Variants in NCKAP1 observed in about 807,000 individuals in gnomAD.
NCKAP1 encodes nck-associated protein 1.
Under a neutral mutation model 151.2 loss-of-function variants are expected in NCKAP1, and 21 were observed. The observed-to-expected ratio is 0.14, with a 90% CI of 0.10 to 0.20. The LOEUF (loss-of-function observed/expected upper bound fraction) is 0.20, where lower values mean the gene tolerates loss of function less well. NCKAP1 is among the 10% of genes least tolerant of loss of function. The pLI is 1.00. For missense variants in NCKAP1, 933 were observed against 1,352.1 expected (o/e 0.69, Z 4.86); for synonymous variants, 484 against 451.8 (o/e 1.07, Z -0.90).
rs749382560 is a variant in NCKAP1, at chr2:183,023,934, T to TA, written c.109-19dup. 86 of 1,513,948 alleles carry TA rather than the reference T, an allele frequency of 5.7e-5. No individual in the cohort carries two copies. The highest frequency in any genetic ancestry group is 5.4e-4 in the African/African-American group (38 of 70,836). The allele number at this position is 1,513,948 out of a possible 1,614,324, so 93.8% of individuals were successfully genotyped here. A position where few individuals can be genotyped will look rare whatever the true frequency, so the allele number is the denominator to read the frequency against. On this transcript the variant is annotated intron_variant, in intron 1 of 30. Transcript: ENST00000361354. ...CCACATGCCTATAAAACAACAGTAA[T>TA]AAAAAAAAGTGAAATGCACCCTTCT...
chr2:182,980,701 A>G (rs1446727913), intron 13 of NCKAP1, among the ~76,000 whole-genome samples: 1 of 152,206 alleles, frequency 6.6e-6, no homozygotes, highest in Non-Finnish European at 1.5e-5. Flanking sequence ...ATCCTCTAAC[A>G]ATCTTCTTCA....
At chr2:183,026,324 A>C (rs1698896170) in intron 1 of NCKAP1, among the ~76,000 whole-genome samples, 1 of 152,044 alleles carries the variant, frequency 6.6e-6, no homozygotes, top group Non-Finnish European at 1.5e-5. Context: ...AGAGAAAAAA[A>C]AATTATAAGG....
intron 13 of NCKAP1, among the ~76,000 whole-genome samples, chr2:182,979,638 C>A (rs936746979): frequency 1.3e-5 from 2 of 151,994 alleles, no homozygotes; most frequent in African/African-American, 4.8e-5. Context: ...AATATTAACA[C>A]CTATTGCAAT....
intron 1 of NCKAP1, among the ~76,000 whole-genome samples, chr2:183,035,549 G>T (rs1699085834): frequency 6.6e-6 from 1 of 152,028 alleles, no homozygotes; most frequent in African/African-American, 2.4e-5. Flanking sequence ...ACTAGAAGAG[G>T]TTGAGATTGA....
intron 9 of NCKAP1, 34 bp from the exon 10 acceptor site, chr2:182,986,261 A>C (rs778830468): frequency 2.0e-6 from 3 of 1,529,434 alleles, no homozygotes; most frequent in Non-Finnish European, 2.7e-6. Flanking sequence ...CGTTAGTTTA[A>C]TTTGATCAAT....
intron 2 of NCKAP1, among the ~76,000 whole-genome samples, chr2:183,017,972 G>C (rs187216214): frequency 6.6e-6 from 1 of 152,132 alleles, no homozygotes; most frequent in African/African-American, 2.4e-5. Context: ...ATACCTGGCC[G>C]GGTGCGGTGG....
Position 182,981,326 on chromosome 2 carries a change from C to G in NCKAP1, c.1259G>C (p.Arg420Thr). Reference protein sequence around the residue: ...FYMEELRAHVRKYGPVMQRYY... With the variant: ...FYMEELRAHVTKYGPVMQRYY... ...CCTCTGCATTACAGGTCCGTATTTC[C>G]TCACATGTGCTCTAAGTTCTTCCAT... The change falls in exon 13 of 31, where the codon AGG becomes ACG. Residue 420 changes from arginine to threonine, a missense_variant. Arg to Thr is a moderately conservative substitution (Grantham distance 71). This residue lies in a region of NCKAP1 where 607 missense variants were observed against 795.0 expected (regional missense o/e 0.76). Transcript: ENST00000361354. The G allele has an allele frequency of 6.2e-7, 1 of 1,613,550 alleles. No homozygotes were observed. The highest frequency in any genetic ancestry group is 8.5e-7 in the Non-Finnish European group (1 of 1,179,528).
At chr2:182,956,780 T>A (rs772897105) in intron 19 of NCKAP1, 187 bp from the exon 20 acceptor site, 1 of 528,954 alleles carries the variant, frequency 1.9e-6, no homozygotes, top group South Asian at 3.0e-5. Context: ...ATTCTAAAGA[T>A]GGCGTCATTT....
chr2:182,958,629 G>C (rs1697374940), intron 18 of NCKAP1, among the ~76,000 whole-genome samples: 1 of 152,124 alleles, frequency 6.6e-6, no homozygotes, highest in Non-Finnish European at 1.5e-5. Context: ...AAAATTGAAA[G>C]GATTCAGTAA....
chr2:182,946,493 T>A (rs1007603019), intron 23 of NCKAP1, among the ~76,000 whole-genome samples: 1 of 151,920 alleles, frequency 6.6e-6, no homozygotes, highest in Non-Finnish European at 1.5e-5. Flanking sequence ...TGGGTACTTA[T>A]GCTTACTACC....
chr2:182,956,718 A>G, intron 19 of NCKAP1, 125 bp from the exon 20 acceptor site: 1 of 977,126 alleles, frequency 1.0e-6, no homozygotes, highest in Non-Finnish European at 1.4e-6. Flanking sequence ...TTATTCTCCT[A>G]AACTGAGAAA....
intron 10 of NCKAP1, among the ~76,000 whole-genome samples, chr2:182,983,908 G>A (rs1042688484): frequency 1.3e-5 from 2 of 151,980 alleles, no homozygotes; most frequent in African/African-American, 4.8e-5. Flanking sequence ...GTGGGTGCCT[G>A]TAATCCCAGC....
In NCKAP1 at chr2:182,928,763, C is replaced by G; in HGVS notation, c.3070+20G>C. ...ACCCATGATTTATTCATCGCCAAAA[C>G]AATTTTAAACCACTATTACCTTCTA... On this transcript the variant is annotated intron_variant, in intron 28 of 30. Transcript: ENST00000361354. 1 of 1,491,546 alleles carries G rather than the reference C, an allele frequency of 6.7e-7. No individual in the cohort carries two copies. Among genetic ancestry groups the G allele is most frequent in the Non-Finnish European group, 9.1e-7 (1 of 1,093,380 alleles). The allele number at this position is 1,491,546 out of a possible 1,614,324, so 92.4% of individuals were successfully genotyped here. A position where few individuals can be genotyped will look rare whatever the true frequency, so the allele number is the denominator to read the frequency against.
chr2:182,942,587 A>G (rs1012927383), intron 23 of NCKAP1, among the ~76,000 whole-genome samples: 1 of 152,138 alleles, frequency 6.6e-6, no homozygotes. Context: ...TACTGGATAC[A>G]TACAAGTAGA....
intron 18 of NCKAP1, among the ~76,000 whole-genome samples, chr2:182,958,642 T>C (rs1232579389): frequency 6.6e-6 from 1 of 152,186 alleles, no homozygotes; most frequent in Non-Finnish European, 1.5e-5. Context: ...TTCAGTAACT[T>C]AGATGTGTGA....
rs570251415 is a variant in NCKAP1, at chr2:182,956,892, T to C, written c.2022-299A>G. The C allele has an allele frequency of 1.9e-5, 4 of 211,662 alleles. No individual in the cohort carries two copies. The East Asian group carries it at 3.6e-4, about 19-fold the overall frequency. 13.1% of individuals were successfully genotyped at this position (211,662 alleles called of 1,614,324 possible). A position where few individuals can be genotyped will look rare whatever the true frequency, so the allele number is the denominator to read the frequency against. ...ATCACGCCCAATTCCTGAAGTACTTTCTGTTATGAGAGAAGGAAAGTTGTC... is the reference window on the plus strand; with the variant it reads ...ATCACGCCCAATTCCTGAAGTACTTCCTGTTATGAGAGAAGGAAAGTTGTC... On this transcript the variant is annotated intron_variant, in intron 19 of 30. Coordinates refer to ENST00000361354, the MANE Select transcript of NCKAP1 (RefSeq NM_013436.5).
chr2:182,990,578 A>G (rs1258535313), intron 8 of NCKAP1, among the ~76,000 whole-genome samples: 2 of 152,156 alleles, frequency 1.3e-5, no homozygotes, highest in Non-Finnish European at 2.9e-5. Context: ...CTAGTCTTCC[A>G]TACTAGGACG....
At chr2:182,977,997 G>A (rs1449168800) in intron 14 of NCKAP1, among the ~76,000 whole-genome samples, 1 of 152,152 alleles carries the variant, frequency 6.6e-6, no homozygotes, top group African/African-American at 2.4e-5. Context: ...TAAGCTCTCT[G>A]ATTCTTAGTG....
At chr2:182,939,657 A>T (rs1696954528) in intron 24 of NCKAP1, among the ~76,000 whole-genome samples, 1 of 152,156 alleles carries the variant, frequency 6.6e-6, no homozygotes, top group African/African-American at 2.4e-5. Flanking sequence ...GTGCTTGTTG[A>T]CTGTGAAAAA....
Sources: gnomAD v4.1 joint callset for allele counts (sites outside exome capture counted in the v4.1 genomes callset) on GRCh38, gnomAD v4.1.1 for gene constraint, gnomAD v4.1.1 regional missense constraint, MANE v1.5 for transcripts, NCBI Gene and HGNC (gene_info 2026-07-23, HGNC 2026-07-21) for gene names.